PPP1R17: variants seen among roughly 807,000 people sequenced by gnomAD.
PPP1R17 encodes G-substrate.
In PPP1R17, 12 loss-of-function variants were observed where a neutral mutation model predicts 15.9. The observed-to-expected ratio is 0.75, with a 90% CI of 0.48 to 1.22. PPP1R17 has a LOEUF of 1.22. Ranked by LOEUF, PPP1R17 falls within the 50% of genes most tolerant of loss-of-function variation. The probability of loss-of-function intolerance (pLI) is 0.00; values close to 1 mark genes in which losing one functional copy is unlikely to be tolerated. For missense variants in PPP1R17, 211 were observed against 187.3 expected (o/e 1.13, Z -0.74); for synonymous variants, 63 against 64.5 (o/e 0.98, Z 0.11).
intron 1 of PPP1R17, among the ~76,000 whole-genome samples, chr7:31,691,591 A>T (rs557008324): frequency 6.6e-6 from 1 of 151,988 alleles, no homozygotes; most frequent in African/African-American, 2.4e-5. Context: ...AGCTATAACT[A>T]ATAGCTCTGG....
rs546864481 is a variant in PPP1R17 at position 31,690,582 on chromosome 7, G to T, written c.-36-1824G>T. 7.9e-5 allele frequency among the ~76,000 whole-genome samples: 12 copies of T among 152,258 alleles called. No individual in the cohort carries two copies. The East Asian group carries it at 1.4e-3, about 17-fold the overall frequency. ...TTTAGCAACTTCATCGAAGTCATAT[G>T]GCTTTTTAGTTTAAGAGCTGAGATT... On this transcript the variant is annotated intron_variant, in intron 1 of 4. Coordinates refer to ENST00000342032, the MANE Select transcript of PPP1R17 (RefSeq NM_006658.5).
Position 31,695,524 on chromosome 7 carries a change from G to A in PPP1R17, c.138G>A (p.Lys46=). Reference sequence around the variant, plus strand: ...GTGATCTCAAAAAGAAGCCTAGAAAGGGAAAAAATGTACAGGCCACCCTGA... The same window carrying A: ...GTGATCTCAAAAAGAAGCCTAGAAAAGGAAAAAATGTACAGGCCACCCTGA... ...KDCDLKKKPR[K]GKNVQATLNV... Residue 46 remains lysine, a synonymous_variant, in exon 3 of 5, where the codon AAG becomes AAA. Coordinates refer to ENST00000342032, the MANE Select transcript of PPP1R17 (RefSeq NM_006658.5). 2 of 1,613,538 alleles carry A rather than the reference G, an allele frequency of 1.2e-6. No homozygotes were observed. The highest frequency in any genetic ancestry group is 1.7e-6 in the Non-Finnish European group (2 of 1,179,804).
chr7:31,691,134 T>C (rs940051225), intron 1 of PPP1R17, among the ~76,000 whole-genome samples: 7 of 152,248 alleles, frequency 4.6e-5, no homozygotes, highest in African/African-American at 1.7e-4. Flanking sequence ...CTGAAGTCAC[T>C]CAGTACAATC....
intron 4 of PPP1R17, among the ~76,000 whole-genome samples, chr7:31,698,591 T>G (rs1792712783): frequency 6.6e-6 from 1 of 152,238 alleles, no homozygotes; most frequent in African/African-American, 2.4e-5. Flanking sequence ...TGCAGAAGTC[T>G]AATCTTCAAA....
chr7:31,699,479 T>A (rs1792750756), intron 4 of PPP1R17, among the ~76,000 whole-genome samples: 1 of 152,206 alleles, frequency 6.6e-6, no homozygotes, highest in South Asian at 2.1e-4. Context: ...AATTTAAGAA[T>A]AATAGACAAC....
intron 4 of PPP1R17, among the ~76,000 whole-genome samples, chr7:31,699,358 T>C (rs1792746005): frequency 6.6e-6 from 1 of 152,198 alleles, no homozygotes; most frequent in Non-Finnish European, 1.5e-5. Context: ...GGGAGCAAGC[T>C]AGCACGGTCT....
intron 4 of PPP1R17, among the ~76,000 whole-genome samples, chr7:31,702,311 C>T (rs558446149): frequency 6.2e-4 from 94 of 152,002 alleles, no homozygotes; most frequent in Non-Finnish European, 1.1e-3. Context: ...TAGGAAGGAG[C>T]AGAGCTAGAT....
At chr7:31,688,477 A>T (rs763905587) in intron 1 of PPP1R17, among the ~76,000 whole-genome samples, 1 of 152,254 alleles carries the variant, frequency 6.6e-6, no homozygotes, top group Non-Finnish European at 1.5e-5. Flanking sequence ...CACTGAACCA[A>T]CTAATGTGTT....
intron 1 of PPP1R17, among the ~76,000 whole-genome samples, chr7:31,691,797 T>TAAAAAAAAAAAA (rs377169335): frequency 9.2e-5 from 8 of 86,526 alleles, no homozygotes; most frequent in African/African-American, 1.3e-4. Flanking sequence ...ATGTAATGAT[T>TAAAAAAAAAAAA]AAAAAAAAAA....
chr7:31,707,940 T>C lies in PPP1R17; in HGVS notation c.*657T>C, dbSNP rs1793140171. On this transcript the variant is annotated 3_prime_UTR_variant, in exon 5 of 5. Coordinates refer to ENST00000342032, the MANE Select transcript of PPP1R17 (RefSeq NM_006658.5). ...CTGGTCTGTCTGGGAAGCTTAGCAA[T>C]GTATCTTCAAATTTATTTTTGTTTT... 1 of 152,220 alleles carries C rather than the reference T, an allele frequency of 6.6e-6. No individual in the cohort carries two copies. Among genetic ancestry groups the C allele is most frequent in the South Asian group, 2.1e-4 (1 of 4,834 alleles). 9.4% of individuals were successfully genotyped at this position (152,220 alleles called of 1,614,324 possible).
chr7:31,707,481 A>C lies in PPP1R17; in HGVS notation c.*198A>C, dbSNP rs555016317. On this transcript the variant is annotated 3_prime_UTR_variant, in exon 5 of 5. Coordinates refer to ENST00000342032, the MANE Select transcript of PPP1R17 (RefSeq NM_006658.5). ...TCTCTTCTTTCTGAGTATGGTTTCTATTCTGTGTTTTGAATTTTTATTTTC... is the reference window on the plus strand; with the variant it reads ...TCTCTTCTTTCTGAGTATGGTTTCTCTTCTGTGTTTTGAATTTTTATTTTC... 2.3e-4 allele frequency: 126 copies of C among 542,642 alleles called. No individual in the cohort carries two copies. Among genetic ancestry groups the C allele is most frequent in the African/African-American group, 2.3e-3 (118 of 52,172 alleles). 33.6% of individuals were successfully genotyped at this position (542,642 alleles called of 1,614,324 possible). A position where few individuals can be genotyped will look rare whatever the true frequency, so the allele number is the denominator to read the frequency against.
At position 31,695,539 on chromosome 7, in the gene PPP1R17, G is replaced by C; in HGVS notation, c.153G>C (p.Gln51His). 1 of 1,613,778 alleles carries C rather than the reference G, an allele frequency of 6.2e-7. No individual in the cohort carries two copies. Among genetic ancestry groups the C allele is most frequent in the Non-Finnish European group, 8.5e-7 (1 of 1,179,858 alleles). Reference protein sequence around the residue: ...KKKPRKGKNVQATLNVESDQK... With the variant: ...KKKPRKGKNVHATLNVESDQK... ...AGCCTAGAAAGGGAAAAAATGTACA[G>C]GCCACCCTGAATGTTGAGTCAGACC... The change falls in exon 3 of 5, where the codon CAG (glutamine) becomes CAC (histidine). Residue 51 changes from glutamine (Q) to histidine (H), a missense_variant. Transcript: ENST00000342032.
At chr7:31,695,741 C>T in intron 3 of PPP1R17, 120 bp downstream of exon 3, 3 of 951,024 alleles carry the variant, frequency 3.2e-6, no homozygotes, top group Non-Finnish European at 4.7e-6. Context: ...GCACTCCCCA[C>T]CTCTGTATCT....
Position 31,705,986 on chromosome 7 carries a change from A to ATTTTTTTTTTTTTTTTTT in PPP1R17, c.389-1199_389-1182dup, listed in dbSNP as rs550189867. On this transcript the variant is annotated intron_variant, in intron 4 of 4. Coordinates refer to ENST00000342032, the MANE Select transcript of PPP1R17 (RefSeq NM_006658.5). The stretch of plus-strand genomic sequence containing the variant: ...GACTTCTGAATTTCACAGACCAGTA[A>ATTTTTTTTTTTTTTTTTT]TTTTTTTTTTTTTTTTTTTTTTTTT... 1.3e-4 allele frequency among the ~76,000 whole-genome samples: 7 copies of ATTTTTTTTTTTTTTTTTT among 52,514 alleles called. 1 individual carries two copies. Among genetic ancestry groups the ATTTTTTTTTTTTTTTTTT allele is most frequent in the African/African-American group, 5.3e-4 (7 of 13,282 alleles). 34.5% of individuals were successfully genotyped at this position (52,514 alleles called of 152,430 possible).
chr7:31,707,420 T>C lies in PPP1R17; in HGVS notation c.*137T>C. ...ATTCAGACACCTTCTCCCCAGGAGA[T>C]GTATGCCATCAAATTGCCAGTCACC... On this transcript the variant is annotated 3_prime_UTR_variant, in exon 5 of 5. Transcript: ENST00000342032. The C allele has an allele frequency of 1.5e-6, 1 of 660,392 alleles. No homozygotes were observed. Among genetic ancestry groups the C allele is most frequent in the Non-Finnish European group, 2.6e-6 (1 of 390,342 alleles). 40.9% of individuals were successfully genotyped at this position (660,392 alleles called of 1,614,324 possible).
At chr7:31,701,056 A>T (rs1444952762) in intron 4 of PPP1R17, among the ~76,000 whole-genome samples, 2 of 151,344 alleles carry the variant, frequency 1.3e-5, no homozygotes, top group East Asian at 3.9e-4. Flanking sequence ...AGTTACTTCG[A>T]CTTGCAAGTC....
rs1793123248 is a variant in PPP1R17 at position 31,707,493 on chromosome 7, G to T, written c.*210G>T. ...GAGTATGGTTTCTATTCTGTGTTTT[G>T]AATTTTTATTTTCTAATGCAGTGGA... On this transcript the variant is annotated 3_prime_UTR_variant, in exon 5 of 5. Transcript: ENST00000342032. 3.9e-6 allele frequency: 2 copies of T among 519,072 alleles called. No individual in the cohort carries two copies. The highest frequency in any genetic ancestry group is 3.9e-5 in the African/African-American group (2 of 51,410). The allele number at this position is 519,072 out of a possible 1,614,324, so 32.2% of individuals were successfully genotyped here.
chr7:31,689,152 G>A (rs780660455), intron 1 of PPP1R17, among the ~76,000 whole-genome samples: 1 of 152,130 alleles, frequency 6.6e-6, no homozygotes, highest in Non-Finnish European at 1.5e-5. Flanking sequence ...AGGGTGGGTG[G>A]CCAATATTGC....
At chr7:31,705,469 TCCCA>T (rs1038592255) in intron 4 of PPP1R17, among the ~76,000 whole-genome samples, 4 of 148,266 alleles carry the variant, frequency 2.7e-5, no homozygotes, top group Non-Finnish European at 5.9e-5. Context: ...GAGAAATATC[TCCCA>T]CTGTGTTTCA....
Sources: allele counts gnomAD v4.1 joint callset (sites outside exome capture counted in the v4.1 genomes callset), GRCh38; gene constraint gnomAD v4.1.1; transcripts MANE v1.5; gene names NCBI Gene and HGNC (gene_info 2026-07-23, HGNC 2026-07-21).